Variants in MTOR observed in about 807,000 individuals in gnomAD.
MTOR encodes the protein serine/threonine-protein kinase mTOR.
Under a neutral mutation model 319.8 loss-of-function variants are expected in MTOR, and 70 were observed. The observed-to-expected ratio is 0.22, with a 90% confidence interval of 0.18 to 0.27. MTOR has a LOEUF of 0.27. Ranked by LOEUF, MTOR falls within the 10% of genes least tolerant of loss-of-function variation. MTOR has a pLI of 1.00. For synonymous variants in MTOR, 1,183 were observed against 1,211.4 expected, an observed-to-expected ratio of 0.98 and a Z score of 0.49; for missense variants, 1,890 against 3,274.4, an observed-to-expected ratio of 0.58 and a Z score of 10.32.
intron 29 of MTOR, among the ~76,000 whole-genome samples, chr1:11,165,372 A>G (rs887438066): frequency 1.2e-4 from 19 of 152,354 alleles, no homozygotes; most frequent in Non-Finnish European, 2.2e-4. Flanking sequence ...AATCTCCTTA[A>G]GCTGATAAGC....
intron 16 of MTOR, among the ~76,000 whole-genome samples, chr1:11,231,746 T>G (rs1206498420): frequency 6.6e-6 from 1 of 152,222 alleles, no homozygotes; most frequent in Non-Finnish European, 1.5e-5. Context: ...TTTTTTGTTG[T>G]TGTTGAGACA....
At chr1:11,216,263 G>C (rs867520728) in intron 19 of MTOR, 29 bp from the exon 20 acceptor site, 1 of 1,568,064 alleles carries the variant, frequency 6.4e-7, no homozygotes, top group African/African-American at 1.3e-5. Context: ...CAACCAGCTG[G>C]TATCATGAAG....
chr1:11,249,240 G>T (rs947686415), intron 6 of MTOR, among the ~76,000 whole-genome samples: 3 of 152,026 alleles, frequency 2.0e-5, no homozygotes, highest in African/African-American at 4.8e-5. Context: ...CCAGGGGAGG[G>T]GGGTTGGGGA....
intron 9 of MTOR, among the ~76,000 whole-genome samples, chr1:11,242,500 C>CA (rs70977555): frequency 0.028 from 1,457 of 52,452 alleles, 146 homozygotes; most frequent in African/African-American, 0.098. Flanking sequence ...GACTCCATCT[C>CA]AAAAAAAAAA....
chr1:11,164,042 A>G (rs1238038382), intron 29 of MTOR, among the ~76,000 whole-genome samples: 4 of 152,226 alleles, frequency 2.6e-5, no homozygotes, highest in African/African-American at 9.6e-5. Context: ...CACTAGCAAG[A>G]CTAATAAAGA....
At chr1:11,256,789 C>T (rs1017579576) in intron 4 of MTOR, 144 bp downstream of exon 4, 6 of 736,142 alleles carry the variant, frequency 8.2e-6, no homozygotes, top group African/African-American at 3.5e-5. Flanking sequence ...CTCTTAAGGA[C>T]GGACTCTACC....
intron 13 of MTOR, among the ~76,000 whole-genome samples, chr1:11,237,594 G>C (rs1193189433): frequency 6.6e-6 from 1 of 152,030 alleles, no homozygotes; most frequent in African/African-American, 2.4e-5. Context: ...CCAGGAAAAA[G>C]AAAGAGCTGC....
chr1:11,132,957 A>T (rs1643230767), intron 38 of MTOR, 123 bp downstream of exon 38: 1 of 771,126 alleles, frequency 1.3e-6, no homozygotes. Flanking sequence ...GGCTCCAGGG[A>T]CTCAAGGAGT....
rs554417101 is a variant in MTOR, at chr1:11,129,007, T to G, written c.5715-56A>C. 1.3e-5 allele frequency: 19 copies of G among 1,443,034 alleles called. No individual in the cohort carries two copies. In the East Asian group the frequency reaches 4.0e-4, roughly 30 times the overall value. 89.4% of individuals were successfully genotyped at this position (1,443,034 alleles called of 1,614,324 possible). ...TTTAGTTTCCCAGTTTTTGCCTGCC[T>G]GTTTTTCATCTCTAAGGCTCCTGAG... is the stretch of plus-strand genomic sequence containing the variant. On this transcript the variant is annotated intron_variant, in intron 40 of 57. Transcript: ENST00000361445. The surrounding 1 kb of genome is among the most constrained non-coding windows in gnomAD (Gnocchi z 4.7).
rs554434069 is a variant in MTOR, at chr1:11,223,911, C to T, written c.3030+4757G>A. ...AAAATTAGCTGGGCATGGTAGCATG[C>T]ACCTATAATCCCAGCTACCTGGGAG... is the stretch of plus-strand genomic sequence containing the variant. On this transcript the variant is annotated intron_variant, in intron 19 of 57. Transcript: ENST00000361445. 1.4e-4 allele frequency among the ~76,000 whole-genome samples: 22 copies of T among 151,930 alleles called. 2 individuals carry two copies. In the South Asian group the frequency reaches 4.4e-3, roughly 30 times the overall value.
Position 11,112,931 on chromosome 1 carries a change from TAA to T in MTOR, c.7301-16_7301-15del. On this transcript the variant is annotated splice_polypyrimidine_tract_variant and intron_variant, in intron 53 of 57. Transcript: ENST00000361445. ...CTTTGGTATTTGCTAGGGAGAGAAATAAAGAGTATTGAAACATGCTTCAAATT... is the reference window on the plus strand; with the variant it reads ...CTTTGGTATTTGCTAGGGAGAGAAATAGAGTATTGAAACATGCTTCAAATT... 1.2e-6 allele frequency: 2 copies of T among 1,612,554 alleles called. No homozygotes were observed. The highest frequency in any genetic ancestry group is 1.1e-5 in the South Asian group (1 of 90,926).
At chr1:11,250,148 G>A (rs1455492002) in intron 6 of MTOR, among the ~76,000 whole-genome samples, 1 of 142,564 alleles carries the variant, frequency 7.0e-6, no homozygotes, top group African/African-American at 2.5e-5. Flanking sequence ...CTCACCTCCC[G>A]GACAGGGCGG....
intron 28 of MTOR, among the ~76,000 whole-genome samples, chr1:11,175,289 G>C (rs1644947983): frequency 6.6e-6 from 1 of 152,206 alleles, no homozygotes; most frequent in Non-Finnish European, 1.5e-5. Context: ...AGAACATGGT[G>C]AATCTGGGTA....
chr1:11,250,610 C>T (rs1273894681), intron 6 of MTOR, among the ~76,000 whole-genome samples: 1 of 87,236 alleles, frequency 1.1e-5, no homozygotes, highest in Non-Finnish European at 3.2e-5. Context: ...TCCAACTGTA[C>T]TAGTTCCCTT....
intron 28 of MTOR, among the ~76,000 whole-genome samples, chr1:11,170,930 T>C (rs965636215): frequency 1.1e-4 from 16 of 151,678 alleles, no homozygotes; most frequent in African/African-American, 3.6e-4. Flanking sequence ...CAGAAGAAAC[T>C]AACTCTAAGA....
chr1:11,215,733 T>C (rs1292709734), intron 20 of MTOR, among the ~76,000 whole-genome samples: 1 of 152,190 alleles, frequency 6.6e-6, no homozygotes, highest in African/African-American at 2.4e-5. Context: ...ATCACCTTGT[T>C]CCTTGGTGCC....
At chr1:11,124,469 A>G in intron 47 of MTOR, 29 bp downstream of exon 47, 1 of 1,590,628 alleles carries the variant, frequency 6.3e-7, no homozygotes, top group East Asian at 2.3e-5. Context: ...GACTTCTCAA[A>G]TTGTTGCCAT....
intron 13 of MTOR, among the ~76,000 whole-genome samples, chr1:11,236,457 C>T (rs1322521321): frequency 6.6e-6 from 1 of 150,968 alleles, no homozygotes; most frequent in Non-Finnish European, 1.5e-5. Flanking sequence ...GATATTTCTA[C>T]GCCAAATTAA....
intron 29 of MTOR, among the ~76,000 whole-genome samples, chr1:11,158,063 G>T (rs1465956924): frequency 1.3e-5 from 2 of 152,130 alleles, no homozygotes; most frequent in African/African-American, 4.8e-5. Flanking sequence ...AGGTGCTACA[G>T]TCTGAAAGTT....
Sources: gnomAD v4.1 joint callset for allele counts (sites outside exome capture counted in the v4.1 genomes callset) on GRCh38, gnomAD v4.1.1 for gene constraint, Gnocchi (gnomAD v3.1) non-coding constraint, MANE v1.5 for transcripts, NCBI Gene and HGNC (gene_info 2026-07-23, HGNC 2026-07-21) for gene names.